LARP1B: variants seen among roughly 807,000 people sequenced by gnomAD.
The protein encoded by LARP1B is la-related protein 1B.
Under a neutral mutation model 114.2 loss-of-function variants are expected in LARP1B, and 76 were observed. That is an observed-to-expected ratio of 0.67 (90% CI 0.55 to 0.81). LARP1B has a LOEUF of 0.81. Ranked by LOEUF, LARP1B falls within the 30% of genes least tolerant of loss-of-function variation. The probability of loss-of-function intolerance (pLI) is 0.00; values close to 1 mark genes in which losing one functional copy is unlikely to be tolerated. For missense variants in LARP1B, 1,014 were observed against 1,075.8 expected, an observed-to-expected ratio of 0.94 and a Z score of 0.80; for synonymous variants, 345 against 348.0, an observed-to-expected ratio of 0.99 and a Z score of 0.10.
intron 4 of LARP1B, among the ~76,000 whole-genome samples, chr4:128,080,414 CTTCT>C (rs1184104858): frequency 6.6e-6 from 1 of 152,098 alleles, no homozygotes; most frequent in Non-Finnish European, 1.5e-5. Context: ...AAAAGAAGGG[CTTCT>C]TTGTGTCAAG....
rs548324214 is a variant in LARP1B at position 128,118,634 on chromosome 4, A to C, written c.1162-3192A>C. Among the ~76,000 whole-genome samples the C allele has an allele frequency of 6.6e-5, 10 of 152,108 alleles. No homozygotes were observed. In the South Asian group the frequency reaches 2.1e-3, roughly 32 times the overall value. The stretch of plus-strand genomic sequence containing the variant: ...TTTCCACTTTCTGGTATCTGTTTTC[A>C]TCTGATGTTGGACCTCCTTGATAGA... On this transcript the variant is annotated intron_variant, in intron 10 of 19. Coordinates refer to ENST00000326639, the MANE Select transcript of LARP1B (RefSeq NM_018078.4).
chr4:128,167,234 G>A (rs960715789), intron 12 of LARP1B, among the ~76,000 whole-genome samples: 1 of 151,718 alleles, frequency 6.6e-6, no homozygotes, highest in Non-Finnish European at 1.5e-5. Context: ...TATATATAAG[G>A]TGTACCCAGA....
intron 11 of LARP1B, among the ~76,000 whole-genome samples, chr4:128,131,053 A>C (rs2061572): frequency 0.57 from 86,077 of 152,012 alleles, 25,475 homozygotes; most frequent in Middle Eastern, 0.76. Flanking sequence ...GACAGAGCAC[A>C]GGTTTTTTAG....
chr4:128,193,135 C>T (rs1172340816), intron 15 of LARP1B, among the ~76,000 whole-genome samples: 1 of 152,226 alleles, frequency 6.6e-6, no homozygotes, highest in Non-Finnish European at 1.5e-5. Context: ...CACCCAGTCC[C>T]CCATTCTTTG....
chr4:128,133,896 C>T (rs945154270), intron 11 of LARP1B, among the ~76,000 whole-genome samples: 1 of 152,042 alleles, frequency 6.6e-6, no homozygotes, highest in African/African-American at 2.4e-5. Context: ...GGGGTTTCAC[C>T]ATGTTGACCA....
At chr4:128,154,168 G>T (rs1246625324) in intron 11 of LARP1B, among the ~76,000 whole-genome samples, 1 of 152,002 alleles carries the variant, frequency 6.6e-6, no homozygotes, top group African/African-American at 2.4e-5. Flanking sequence ...TTTAGGCAAG[G>T]CTTTGTATAA....
intron 7 of LARP1B, among the ~76,000 whole-genome samples, chr4:128,094,370 G>C (rs1413434308): frequency 6.6e-6 from 1 of 150,788 alleles, no homozygotes; most frequent in Non-Finnish European, 1.5e-5. Context: ...TAGATCTTTA[G>C]AGGTTTTTTC....
At chr4:128,161,031 G>T (rs892860555) in intron 11 of LARP1B, among the ~76,000 whole-genome samples, 1 of 152,122 alleles carries the variant, frequency 6.6e-6, no homozygotes, top group African/African-American at 2.4e-5. Flanking sequence ...GCTTAAACCC[G>T]CTTTGGATGT....
chr4:128,089,385 G>C (rs1210985892), intron 5 of LARP1B, among the ~76,000 whole-genome samples: 1 of 152,168 alleles, frequency 6.6e-6, no homozygotes, highest in African/African-American at 2.4e-5. Context: ...ACCTAGGCTA[G>C]AGTGCAGTGG....
At chr4:128,063,663 C>T (rs946459821) in intron 1 of LARP1B, among the ~76,000 whole-genome samples, 9 of 150,298 alleles carry the variant, frequency 6.0e-5, no homozygotes, top group Non-Finnish European at 1.3e-4. Context: ...CCTGTAATCC[C>T]GGCTACTGGG....
At chr4:128,078,791 A>G (rs1002451282) in intron 4 of LARP1B, among the ~76,000 whole-genome samples, 4 of 152,078 alleles carry the variant, frequency 2.6e-5, no homozygotes, top group African/African-American at 9.7e-5. Context: ...GTCTTCGTAA[A>G]AGTGTCTTCA....
intron 10 of LARP1B, among the ~76,000 whole-genome samples, chr4:128,119,899 C>A (rs543530168): frequency 1.3e-5 from 2 of 152,168 alleles, no homozygotes; most frequent in South Asian, 4.2e-4. Flanking sequence ...ATCTTCAACC[C>A]CTAATCTCTT....
chr4:128,194,768 G>A (rs567418845), intron 15 of LARP1B, among the ~76,000 whole-genome samples: 86 of 150,020 alleles, frequency 5.7e-4, no homozygotes, highest in Middle Eastern at 3.5e-3. Flanking sequence ...TTAGGAGGCT[G>A]AGGCAGGAGA....
intron 1 of LARP1B, chr4:128,061,728 C>A: frequency 1.0e-6 from 1 of 984,978 alleles, no homozygotes; most frequent in Non-Finnish European, 1.2e-6. Flanking sequence ...GCCGCCCATT[C>A]TCGGGAGGAT....
At position 128,098,278 on chromosome 4, in the gene LARP1B, C is replaced by G; in HGVS notation, c.761C>G (p.Ala254Gly). The change falls in exon 8 of 20, where the codon GCT (alanine) becomes GGT (glycine). Residue 254 changes from alanine (A) to glycine (G), a missense_variant. By Grantham distance (60) the Ala-to-Gly change is moderately conservative. Coordinates refer to ENST00000326639, the MANE Select transcript of LARP1B (RefSeq NM_018078.4). ...GGTTTCTTGCCTATTTCCCTGATTG[C>G]TGGTTTTCAGCGTGTTCAGGCTCTC... ...EQGFLPISLIAGFQRVQALTT... is the reference protein window; with the variant it reads ...EQGFLPISLIGGFQRVQALTT... The G allele has an allele frequency of 1.9e-6, 3 of 1,613,940 alleles. No individual in the cohort carries two copies. Among genetic ancestry groups the G allele is most frequent in the Non-Finnish European group, 2.5e-6 (3 of 1,179,886 alleles).
chr4:128,096,978 A>C (rs987215560), intron 7 of LARP1B, among the ~76,000 whole-genome samples: 1 of 151,964 alleles, frequency 6.6e-6, no homozygotes, highest in African/African-American at 2.4e-5. Context: ...TGTTCACTGC[A>C]ACCTCTGCCT....
intron 11 of LARP1B, among the ~76,000 whole-genome samples, chr4:128,159,702 C>T (rs1010028440): frequency 2.0e-5 from 3 of 152,130 alleles, no homozygotes; most frequent in African/African-American, 7.2e-5. Context: ...AATTTTGAGA[C>T]TGAAAATACC....
At chr4:128,074,541 T>C in intron 2 of LARP1B, 23 bp downstream of exon 2, 1 of 810,626 alleles carries the variant, frequency 1.2e-6, no homozygotes, top group Non-Finnish European at 1.5e-6. Flanking sequence ...AGGAAATAGT[T>C]CTTAACTGTA....
intron 1 of LARP1B, among the ~76,000 whole-genome samples, chr4:128,062,610 T>TA (rs397692344): frequency 6.6e-6 from 1 of 150,650 alleles, no homozygotes; most frequent in African/African-American, 2.4e-5. Flanking sequence ...TTTTTTTTTT[T>TA]ACATAAAAGG....
Sources: allele counts gnomAD v4.1 joint callset (sites outside exome capture counted in the v4.1 genomes callset), GRCh38; gene constraint gnomAD v4.1.1; transcripts MANE v1.5; gene names NCBI Gene and HGNC (gene_info 2026-07-23, HGNC 2026-07-21).